CDC42BPB: variants seen among roughly 807,000 people sequenced by gnomAD.
CDC42BPB encodes serine/threonine-protein kinase MRCK beta.
CDC42BPB carries 37 observed loss-of-function variants against 214.9 expected under a neutral mutation model. The ratio of observed to expected loss-of-function variants is 0.17; its 90% CI spans 0.13 to 0.23. The LOEUF is 0.23. CDC42BPB is among the 10% of genes least tolerant of loss of function. The pLI is 1.00. For missense variants in CDC42BPB, 1,694 were observed against 2,227.0 expected (o/e 0.76, Z 4.82); for synonymous variants, 931 against 884.0 (o/e 1.05, Z -0.94).
intron 21 of CDC42BPB, among the ~76,000 whole-genome samples, chr14:102,959,158 G>A (rs1892844484): frequency 1.3e-5 from 2 of 151,772 alleles, no homozygotes; most frequent in African/African-American, 2.4e-5. Context: ...TTAGCCGGGC[G>A]TGGTGGTGGG....
intron 23 of CDC42BPB, among the ~76,000 whole-genome samples, chr14:102,953,994 T>C (rs1326521234): frequency 4.6e-5 from 7 of 152,206 alleles, no homozygotes; most frequent in Admixed American, 2.0e-4. Context: ...ACTGGTATCA[T>C]TAAGAAAACA....
At chr14:102,986,722 G>A in intron 5 of CDC42BPB, 142 bp from the exon 6 acceptor site, 3 of 1,351,084 alleles carry the variant, frequency 2.2e-6, no homozygotes, top group Non-Finnish European at 2.9e-6. Context: ...AAATGCCTCT[G>A]TGTGACATTC....
Position 102,967,264 on chromosome 14 carries a change from A to G in CDC42BPB, c.2347-94T>C. The G allele has an allele frequency of 2.7e-6, 4 of 1,469,416 alleles. No homozygotes were observed. In the South Asian group the frequency reaches 4.4e-5, roughly 16 times the overall value. 91.0% of individuals were successfully genotyped at this position (1,469,416 alleles called of 1,614,324 possible). A position where few individuals can be genotyped will look rare whatever the true frequency, so the allele number is the denominator to read the frequency against. On this transcript the variant is annotated intron_variant, in intron 16 of 36. Transcript: ENST00000361246. ...TGGAAGTTCTTTTGAAGACTCTGAA[A>G]GTTTTCTTTAATCGTCATGAGATTT...
intron 1 of CDC42BPB, among the ~76,000 whole-genome samples, chr14:103,049,264 T>C (rs763724377): frequency 1.3e-5 from 2 of 152,190 alleles, no homozygotes; most frequent in Non-Finnish European, 2.9e-5. Flanking sequence ...AAGGATCTTC[T>C]ATAGTAACAT....
At chr14:102,933,975 A>C in intron 36 of CDC42BPB, 132 bp from the exon 37 acceptor site, 2 of 1,391,312 alleles carry the variant, frequency 1.4e-6, no homozygotes, top group Non-Finnish European at 1.8e-6. Context: ...TTATGAAAAC[A>C]CACACGCTCT....
At position 102,978,119 on chromosome 14, in the gene CDC42BPB, G is replaced by A. The variant is rs1893840475; in HGVS notation, c.1220+7C>T. The A allele has an allele frequency of 6.2e-7, 1 of 1,602,212 alleles. No homozygotes were observed. The highest frequency in any genetic ancestry group is 1.3e-5 in the African/African-American group (1 of 74,684). On this transcript the variant is annotated splice_region_variant and intron_variant, in intron 9 of 36. Transcript: ENST00000361246. ...GTCTCCCTGGGGAATGATAAATCCA[G>A]ACATACCTTTCCGTTGTGAATGTAA... is the stretch of plus-strand genomic sequence containing the variant.
intron 18 of CDC42BPB, among the ~76,000 whole-genome samples, chr14:102,965,209 G>A (rs1595473487): frequency 6.6e-6 from 1 of 152,112 alleles, no homozygotes; most frequent in South Asian, 2.1e-4. Context: ...TGGGATTACA[G>A]GCATGAGCCG....
At position 102,990,364 on chromosome 14, in the gene CDC42BPB, C is replaced by T. The variant is rs528851958; in HGVS notation, c.597-3784G>A. Among the ~76,000 whole-genome samples, 4 of 152,350 alleles carry T rather than the reference C, an allele frequency of 2.6e-5. No individual in the cohort carries two copies. In the East Asian group the frequency reaches 7.7e-4, roughly 29 times the overall value. Reference sequence around the variant, plus strand: ...GAGAACCGCAAACAAACCCGGAATGCCTGCGGGCAGGTTTGCTTCTGTGGT... The same window carrying T: ...GAGAACCGCAAACAAACCCGGAATGTCTGCGGGCAGGTTTGCTTCTGTGGT... On this transcript the variant is annotated intron_variant, in intron 5 of 36. Coordinates refer to ENST00000361246, the MANE Select transcript of CDC42BPB (RefSeq NM_006035.4).
In CDC42BPB at chr14:102,939,857, G is replaced by A; in HGVS notation, c.4682C>T (p.Pro1561Leu). The A allele has an allele frequency of 1.9e-6, 3 of 1,614,064 alleles. No homozygotes were observed. Among genetic ancestry groups the A allele is most frequent in the Non-Finnish European group, 2.5e-6 (3 of 1,180,050 alleles). Reference sequence around the variant, plus strand: ...CCTCTGCTGCAGTCTCTCTTCCTCTGGGACCTTGAAGACGAACCGCCTTTT... The same window carrying A: ...CCTCTGCTGCAGTCTCTCTTCCTCTAGGACCTTGAAGACGAACCGCCTTTT... Reference protein sequence around the residue: ...RSKRRFVFKVPEEERLQQRRE... With the variant: ...RSKRRFVFKVLEEERLQQRRE... Residue 1561 changes from proline to leucine, a missense_variant, in exon 33 of 37, where the codon CCA (proline) becomes CTA (leucine). Coordinates refer to ENST00000361246, the MANE Select transcript of CDC42BPB (RefSeq NM_006035.4).
chr14:103,010,540 C>A (rs929287369), intron 2 of CDC42BPB, among the ~76,000 whole-genome samples: 1 of 152,206 alleles, frequency 6.6e-6, no homozygotes, highest in Non-Finnish European at 1.5e-5. Flanking sequence ...AAAATGCACG[C>A]CCTGCACAGC....
intron 26 of CDC42BPB, chr14:102,948,076 G>A (rs1025303016): frequency 1.7e-6 from 1 of 590,484 alleles, no homozygotes; most frequent in African/African-American, 2.2e-5. Context: ...AGTTACAGAA[G>A]ACTCGGTTTG....
intron 1 of CDC42BPB, among the ~76,000 whole-genome samples, chr14:103,023,827 C>T (rs1011303678): frequency 2.0e-5 from 3 of 152,058 alleles, no homozygotes; most frequent in Non-Finnish European, 4.4e-5. Context: ...TTTTGCAGCT[C>T]GCCAAACAGA....
chr14:102,950,609 G>T lies in CDC42BPB; in HGVS notation c.3173-7C>A. 1.9e-6 allele frequency: 3 copies of T among 1,571,820 alleles called. No individual in the cohort carries two copies. Among genetic ancestry groups the T allele is most frequent in the Non-Finnish European group, 2.6e-6 (3 of 1,157,576 alleles). On this transcript the variant is annotated splice_polypyrimidine_tract_variant and splice_region_variant and intron_variant, in intron 24 of 36. Coordinates refer to ENST00000361246, the MANE Select transcript of CDC42BPB (RefSeq NM_006035.4). The stretch of plus-strand genomic sequence containing the variant: ...TGGCAAGCAAAGGAACACACTGGAA[G>T]AGAGCAAGAACACTGCCTTCAAAGC...
In CDC42BPB at chr14:102,987,788, A is replaced by AC. The variant is rs1894312194; in HGVS notation, c.597-1209_597-1208insG. Reference sequence around the variant, plus strand: ...CAAAACAAAATCCCACAAACACACAAACACACACACACACACACACACACA... The same window carrying AC: ...CAAAACAAAATCCCACAAACACACAACACACACACACACACACACACACACA... On this transcript the variant is annotated intron_variant, in intron 5 of 36. Transcript: ENST00000361246. Among the ~76,000 whole-genome samples the AC allele has an allele frequency of 4.3e-3, 612 of 140,836 alleles. 4 individuals carry two copies. Among genetic ancestry groups the AC allele is most frequent in the African/African-American group, 0.015 (546 of 37,542 alleles). The allele number at this position is 140,836 out of a possible 152,430, so 92.4% of individuals were successfully genotyped here.
At chr14:102,949,949 A>C (rs1892408284) in intron 25 of CDC42BPB, 45 bp from the exon 26 acceptor site, 2 of 1,606,394 alleles carry the variant, frequency 1.2e-6, no homozygotes, top group Non-Finnish European at 1.7e-6. Context: ...CAGGCCAGGC[A>C]GGCCGCCAGG....
At chr14:103,020,291 A>G (rs1886694858) in intron 1 of CDC42BPB, among the ~76,000 whole-genome samples, 1 of 152,228 alleles carries the variant, frequency 6.6e-6, no homozygotes, top group South Asian at 2.1e-4. Flanking sequence ...CAGAGGACAC[A>G]AGGGACAGAC....
chr14:102,983,871 C>CT, intron 6 of CDC42BPB, 115 bp from the exon 7 acceptor site: 1 of 1,465,390 alleles, frequency 6.8e-7, no homozygotes, highest in Non-Finnish European at 9.0e-7. Flanking sequence ...TAGAATAAAA[C>CT]TGATGAATGA....
intron 12 of CDC42BPB, among the ~76,000 whole-genome samples, chr14:102,973,017 C>G (rs34400130): frequency 1.3e-5 from 2 of 152,230 alleles, no homozygotes; most frequent in African/African-American, 2.4e-5. Context: ...GCACTCACCA[C>G]GCTGATGACC....
intron 33 of CDC42BPB, 33 bp from the exon 34 acceptor site, chr14:102,939,760 A>G (rs1891804292): frequency 5.0e-6 from 8 of 1,614,076 alleles, no homozygotes; most frequent in Non-Finnish European, 5.9e-6. Context: ...AGATTCATGG[A>G]TACGTGAGAA....
Sources: allele counts gnomAD v4.1 joint callset (sites outside exome capture counted in the v4.1 genomes callset), GRCh38; gene constraint gnomAD v4.1.1; transcripts MANE v1.5; gene names NCBI Gene and HGNC (gene_info 2026-07-23, HGNC 2026-07-21).